ZBED4: variants seen among roughly 807,000 people sequenced by gnomAD.
The protein encoded by ZBED4 is zinc finger BED domain-containing protein 4.
A neutral mutation model predicts 15.5 loss-of-function variants in ZBED4; 4 were observed. That is an observed-to-expected ratio of 0.26 (90% CI 0.13 to 0.59). The LOEUF is 0.59. ZBED4 is among the 20% of genes least tolerant of loss of function. The probability of loss-of-function intolerance (pLI) is 0.90; values close to 1 mark genes in which losing one functional copy is unlikely to be tolerated. For synonymous variants in ZBED4, 692 were observed against 608.5 expected (o/e 1.14, Z -2.02); for missense variants, 1,323 against 1,461.8 (o/e 0.91, Z 1.55).
rs573494878 is a variant in ZBED4, at chr22:49,871,545, C to T, written c.-329-11789C>T. Reference sequence around the variant, plus strand: ...GTCTGGTAAGCGTGCAATAGCATGACGTCTAAAACAATGTACCTACCTTGA... The same window carrying T: ...GTCTGGTAAGCGTGCAATAGCATGATGTCTAAAACAATGTACCTACCTTGA... On this transcript the variant is annotated intron_variant, in intron 1 of 1. Coordinates refer to ENST00000216268, the MANE Select transcript of ZBED4 (RefSeq NM_014838.3). 5.3e-5 allele frequency among the ~76,000 whole-genome samples: 8 copies of T among 152,014 alleles called. No homozygotes were observed. The East Asian group carries it at 9.7e-4, about 18-fold the overall frequency.
At position 49,868,782 on chromosome 22, in the gene ZBED4, G is replaced by A. The variant is rs542916841; in HGVS notation, c.-329-14552G>A. 4.7e-4 allele frequency among the ~76,000 whole-genome samples: 72 copies of A among 152,182 alleles called. 1 individual carries two copies. The highest frequency in any genetic ancestry group is 1.7e-3 in the African/African-American group (71 of 41,520). On this transcript the variant is annotated intron_variant, in intron 1 of 1. Coordinates refer to ENST00000216268, the MANE Select transcript of ZBED4 (RefSeq NM_014838.3). ...GAGCAAATGAGGAAATCTGCCAGGA[G>A]GGTGGGAGCCCAGCCTCCCAGAGGT...
Position 49,886,308 on chromosome 22 carries a change from T to A in ZBED4, c.2646T>A (p.His882Gln). ...AGAGGGAGTACGCGCTGCCTCAGCA[T>A]CACCTCATCCAGGACGTCCCGTCCA... Reference protein sequence around the residue: ...ELQREYALPQHHLIQDVPSKW... With the variant: ...ELQREYALPQQHLIQDVPSKW... The change falls in exon 2 of 2, where the codon CAT (histidine) becomes CAA (glutamine). Residue 882 changes from histidine (H) to glutamine (Q), a missense_variant. Physicochemically the swap from His to Gln is conservative, Grantham distance 24. This residue lies in a region of ZBED4 where 312 missense variants were observed against 410.7 expected (regional missense o/e 0.76). Coordinates refer to ENST00000216268, the MANE Select transcript of ZBED4 (RefSeq NM_014838.3). This position sits in a 1 kb window ranked among gnomAD's most constrained non-coding sequence, Gnocchi z 7.7. 1 of 1,559,860 alleles carries A rather than the reference T, an allele frequency of 6.4e-7. No homozygotes were observed.
chr22:49,885,753 T>A lies in ZBED4; in HGVS notation c.2091T>A (p.Pro697=). Reference sequence around the variant, plus strand: ...AACCTCAGTACTCCCTCCCCGCCCCTTCCTACTTCTCCAGGACAGCTATCC... The same window carrying A: ...AACCTCAGTACTCCCTCCCCGCCCCATCCTACTTCTCCAGGACAGCTATCC... ...YLKPQYSLPA[P]SYFSRTAIPG... Residue 697 remains proline, a synonymous_variant, in exon 2 of 2, where the codon CCT becomes CCA. Coordinates refer to ENST00000216268, the MANE Select transcript of ZBED4 (RefSeq NM_014838.3). The A allele has an allele frequency of 6.2e-7, 1 of 1,603,786 alleles. No homozygotes were observed. Among genetic ancestry groups the A allele is most frequent in the South Asian group, 1.1e-5 (1 of 90,378 alleles).
At chr22:49,871,097 T>C (rs2060345060) in intron 1 of ZBED4, among the ~76,000 whole-genome samples, 1 of 148,082 alleles carries the variant, frequency 6.8e-6, no homozygotes, top group Admixed American at 6.8e-5. Flanking sequence ...TGCACCACAA[T>C]GCCTGGCTAA....
rs145330956 is a variant in ZBED4 at position 49,885,909 on chromosome 22, C to T, written c.2247C>T (p.His749=). The part of the protein sequence containing the change: ...QTREYLTLTA[H]WVSFESPARP... ...GTGAGTACCTGACCCTCACGGCCCA[C>T]TGGGTTTCCTTCGAGTCGCCAGCCC... Residue 749 remains histidine (H), a synonymous_variant, in exon 2 of 2, where the codon CAC becomes CAT. Coordinates refer to ENST00000216268, the MANE Select transcript of ZBED4 (RefSeq NM_014838.3). 21 of 999,828 alleles carry T rather than the reference C, an allele frequency of 2.1e-5. No individual in the cohort carries two copies. Among genetic ancestry groups the T allele is most frequent in the Admixed American group, 1.6e-4 (8 of 50,242 alleles). The allele number at this position is 999,828 out of a possible 1,614,324, so 61.9% of individuals were successfully genotyped here.
intron 1 of ZBED4, among the ~76,000 whole-genome samples, chr22:49,880,112 G>T (rs1394065783): frequency 7.8e-6 from 1 of 128,472 alleles, no homozygotes; most frequent in Non-Finnish European, 1.8e-5. Flanking sequence ...ATCATAGACC[G>T]TTTCCTCCTC....
chr22:49,880,197 A>G (rs967686868), intron 1 of ZBED4, among the ~76,000 whole-genome samples: 9 of 151,564 alleles, frequency 5.9e-5, no homozygotes, highest in African/African-American at 2.4e-5. Flanking sequence ...TGTGAAGCCC[A>G]CTGTTCAGTC....
At chr22:49,855,936 TTTAGCCCGTGACACCCC>T in intron 1 of ZBED4, among the ~76,000 whole-genome samples, 2 of 152,380 alleles carry the variant, frequency 1.3e-5, no homozygotes, top group Admixed American at 1.3e-4. Context: ...TCACTGTGCC[TTTAGCCCGTGACACCCC>T]TTAGCGGTTT....
chr22:49,877,250 AC>A (rs2060381194), intron 1 of ZBED4, among the ~76,000 whole-genome samples: 1 of 145,796 alleles, frequency 6.9e-6, no homozygotes, highest in African/African-American at 2.5e-5. Flanking sequence ...TCTCAAAAAA[AC>A]AGCTTTATTA....
At chr22:49,864,388 G>A (rs1418759864) in intron 1 of ZBED4, among the ~76,000 whole-genome samples, 2 of 152,156 alleles carry the variant, frequency 1.3e-5, no homozygotes, top group East Asian at 3.9e-4. Context: ...GATATTTTTT[G>A]CCTAAGTCTT....
In ZBED4 at chr22:49,885,967, C is replaced by T. The variant is rs140759889; in HGVS notation, c.2305C>T (p.Leu769=). 102 of 712,620 alleles carry T rather than the reference C, an allele frequency of 1.4e-4. No homozygotes were observed. The African/African-American group carries it at 1.6e-3, about 11-fold the overall frequency. The allele number at this position is 712,620 out of a possible 1,614,324, so 44.1% of individuals were successfully genotyped here. The change falls in exon 2 of 2, where the codon CTG becomes TTG. Residue 769 remains leucine (L), a synonymous_variant. Coordinates refer to ENST00000216268, the MANE Select transcript of ZBED4 (RefSeq NM_014838.3). The part of the protein sequence containing the change: ...PRCDDHHCSA[L]LDVSQVDCDY... ...CTGTGACGACCACCACTGCTCGGCG[C>T]TGTTGGACGTGTCGCAGGTGGACTG...
At chr22:49,874,168 A>G (rs542241525) in intron 1 of ZBED4, among the ~76,000 whole-genome samples, 1 of 152,272 alleles carries the variant, frequency 6.6e-6, no homozygotes, top group African/African-American at 2.4e-5. Context: ...CCAGTGCTGT[A>G]TAGAATATGC....
intron 1 of ZBED4, among the ~76,000 whole-genome samples, chr22:49,879,379 A>T (rs1204862373): frequency 6.6e-6 from 1 of 151,830 alleles, no homozygotes; most frequent in African/African-American, 2.4e-5. Context: ...CGTCTGCCTC[A>T]TCCTCCCGAA....
chr22:49,874,137 C>T (rs551164916), intron 1 of ZBED4, among the ~76,000 whole-genome samples: 1 of 152,328 alleles, frequency 6.6e-6, no homozygotes, highest in South Asian at 2.1e-4. Context: ...ACAGCCGCCT[C>T]CTGCCTGGGC....
chr22:49,863,551 G>C (rs185246029), intron 1 of ZBED4, among the ~76,000 whole-genome samples: 2 of 151,924 alleles, frequency 1.3e-5, no homozygotes, highest in Non-Finnish European at 1.5e-5. Context: ...TGCTTGAACC[G>C]GGGAGGCGGA....
chr22:49,874,366 C>G (rs5770739), intron 1 of ZBED4, among the ~76,000 whole-genome samples: 97,745 of 151,804 alleles, frequency 0.64, 35,633 homozygotes, highest in East Asian at 0.85. Flanking sequence ...GGTTTTCCTC[C>G]TTTTGCTAAT....
Position 49,865,700 on chromosome 22 carries a change from T to A in ZBED4, c.-330+11711T>A, listed in dbSNP as rs112569164. Reference sequence around the variant, plus strand: ...AATAAATGCTCACATTGGGTCCTCATGTTTCTGTTGTGTTTTGGTTGAGGT... The same window carrying A: ...AATAAATGCTCACATTGGGTCCTCAAGTTTCTGTTGTGTTTTGGTTGAGGT... On this transcript the variant is annotated intron_variant, in intron 1 of 1. Transcript: ENST00000216268. Among the ~76,000 whole-genome samples, 801 of 151,968 alleles carry A rather than the reference T, an allele frequency of 5.3e-3. 9 individuals carry two copies. The highest frequency in any genetic ancestry group is 0.019 in the African/African-American group (769 of 41,458).
At chr22:49,865,609 A>G (rs886529779) in intron 1 of ZBED4, among the ~76,000 whole-genome samples, 3 of 152,130 alleles carry the variant, frequency 2.0e-5, no homozygotes, top group Non-Finnish European at 4.4e-5. Context: ...CGGGAGGCAG[A>G]GGGTGCAGTG....
chr22:49,883,676 T>G lies in ZBED4; in HGVS notation c.14T>G (p.Leu5Trp), dbSNP rs148867562. 1.1e-4 allele frequency: 178 copies of G among 1,583,650 alleles called. 3 individuals are homozygous for G. The Middle Eastern group carries it at 3.0e-3, about 27-fold the overall frequency. Reference sequence around the variant, plus strand: ...TTATGGTCAGTCATGGAGAATAACTTGAAAACTTGTCCCAAAGAGGACGGT... The same window carrying G: ...TTATGGTCAGTCATGGAGAATAACTGGAAAACTTGTCCCAAAGAGGACGGT... MENNLKTCPKEDGDF... is the reference protein window; with the variant it reads MENNWKTCPKEDGDF... Residue 5 changes from leucine (L) to tryptophan (W), a missense_variant, in exon 2 of 2, where the codon TTG (leucine) becomes TGG (tryptophan). Leu to Trp is a moderately conservative substitution (Grantham distance 61). Around this residue, in one of 6 missense-constraint regions of ZBED4, gnomAD observed 380 missense variants for 413.7 expected, o/e 0.92. Coordinates refer to ENST00000216268, the MANE Select transcript of ZBED4 (RefSeq NM_014838.3).
Sources: gnomAD v4.1 joint callset for allele counts (sites outside exome capture counted in the v4.1 genomes callset) on GRCh38, gnomAD v4.1.1 for gene constraint, gnomAD v4.1.1 regional missense constraint, Gnocchi (gnomAD v3.1) non-coding constraint, MANE v1.5 for transcripts, NCBI Gene and HGNC (gene_info 2026-07-23, HGNC 2026-07-21) for gene names.